UBAC2: variants seen among roughly 807,000 people sequenced by gnomAD.
UBAC2 encodes the protein ubiquitin-associated domain-containing protein 2.
In UBAC2, 26 loss-of-function variants were observed where a neutral mutation model predicts 44.0. That is an observed-to-expected ratio of 0.59 (90% confidence interval 0.43 to 0.82). The LOEUF (loss-of-function observed/expected upper bound fraction) is 0.82. UBAC2 is among the 40% of genes least tolerant of loss of function. The probability of loss-of-function intolerance (pLI) is 0.00; values close to 1 mark genes in which losing one functional copy is unlikely to be tolerated. For missense variants in UBAC2, 329 were observed against 419.4 expected (o/e 0.78, Z 1.88); for synonymous variants, 155 against 154.3 (o/e 1.00, Z -0.04).
At chr13:99,204,911 T>C (rs1203331746) in intron 1 of UBAC2, among the ~76,000 whole-genome samples, 1 of 145,264 alleles carries the variant, frequency 6.9e-6, no homozygotes, top group Non-Finnish European at 1.5e-5. Flanking sequence ...CTTTTTTTTT[T>C]TTTTTTTTTT....
intron 6 of UBAC2, among the ~76,000 whole-genome samples, chr13:99,330,749 G>T (rs1038501300): frequency 1.3e-5 from 2 of 152,062 alleles, no homozygotes; most frequent in Non-Finnish European, 2.9e-5. Context: ...GATGGAAAAC[G>T]TTGAGTTTTT....
At chr13:99,334,777 C>A (rs2044763115) in intron 6 of UBAC2, among the ~76,000 whole-genome samples, 2 of 152,014 alleles carry the variant, frequency 1.3e-5, no homozygotes, top group Non-Finnish European at 2.9e-5. Context: ...TCCAGCTATT[C>A]AAGCAAATAC....
chr13:99,359,775 C>T (rs1207004309), intron 7 of UBAC2, among the ~76,000 whole-genome samples: 1 of 152,234 alleles, frequency 6.6e-6, no homozygotes. Flanking sequence ...TGGGCCCTGC[C>T]TCGCCTCCCG....
intron 8 of UBAC2, among the ~76,000 whole-genome samples, chr13:99,384,034 A>G (rs1221812832): frequency 6.6e-6 from 1 of 152,208 alleles, no homozygotes; most frequent in Non-Finnish European, 1.5e-5. Flanking sequence ...CTGGAGCCAC[A>G]TGCCCAGGCC....
At chr13:99,286,978 G>T (rs964451315) in intron 4 of UBAC2, among the ~76,000 whole-genome samples, 24 of 151,944 alleles carry the variant, frequency 1.6e-4, no homozygotes, top group Admixed American at 5.9e-4. Flanking sequence ...AAGAGTAAGG[G>T]CATGTGTTAG....
intron 1 of UBAC2, among the ~76,000 whole-genome samples, chr13:99,205,273 G>C (rs1389265369): frequency 6.6e-6 from 1 of 152,176 alleles, no homozygotes; most frequent in African/African-American, 2.4e-5. Flanking sequence ...AGTGGGAAGG[G>C]TGTGGTTGAA....
intron 1 of UBAC2, among the ~76,000 whole-genome samples, chr13:99,227,938 G>T (rs1442444123): frequency 6.6e-6 from 1 of 152,220 alleles, no homozygotes. Flanking sequence ...AAGTTGTAGA[G>T]CAGATATACT....
At position 99,260,286 on chromosome 13, in the gene UBAC2, A is replaced by G. The variant is rs1046839127; in HGVS notation, c.389+15662A>G. Among the ~76,000 whole-genome samples, 7 of 152,144 alleles carry G rather than the reference A, an allele frequency of 4.6e-5. 1 individual carries two copies. Among genetic ancestry groups the G allele is most frequent in the East Asian group, 1.9e-4 (1 of 5,176 alleles). ...ATGTTTGCATTGTTACTGCATATTT[A>G]CTTGCTTTTTCTCCTCCACTAAATT... On this transcript the variant is annotated intron_variant, in intron 4 of 8. Transcript: ENST00000403766.
At chr13:99,286,276 A>G (rs777342346) in intron 4 of UBAC2, among the ~76,000 whole-genome samples, 4 of 152,248 alleles carry the variant, frequency 2.6e-5, no homozygotes, top group African/African-American at 9.6e-5. Context: ...ATACAAAGCA[A>G]CATACCTGGA....
At chr13:99,341,566 T>A (rs1187379616) in intron 7 of UBAC2, among the ~76,000 whole-genome samples, 1 of 152,204 alleles carries the variant, frequency 6.6e-6, no homozygotes, top group Non-Finnish European at 1.5e-5. Context: ...AGCTGGAGGA[T>A]GGACATCTCT....
At chr13:99,296,373 T>C (rs1178661043) in intron 4 of UBAC2, among the ~76,000 whole-genome samples, 2 of 152,140 alleles carry the variant, frequency 1.3e-5, no homozygotes, top group Non-Finnish European at 2.9e-5. Flanking sequence ...CAGAATAAAA[T>C]TTGTGTTTTT....
intron 8 of UBAC2, among the ~76,000 whole-genome samples, chr13:99,376,612 T>TG (rs1436010622): frequency 1.3e-5 from 2 of 152,206 alleles, no homozygotes; most frequent in Non-Finnish European, 2.9e-5. Flanking sequence ...ATGTTACATT[T>TG]GGGGAATGTT....
rs999331148 is a variant in UBAC2 at position 99,260,019 on chromosome 13, C to G, written c.389+15395C>G. Among the ~76,000 whole-genome samples, 7 of 152,330 alleles carry G rather than the reference C, an allele frequency of 4.6e-5. No homozygotes were observed. The East Asian group carries it at 1.3e-3, about 29-fold the overall frequency. Reference sequence around the variant, plus strand: ...CCTCATCTTGCTCTCCATTCCAGCCCTCTGGACTGGCTACATTTGCTCTTC... The same window carrying G: ...CCTCATCTTGCTCTCCATTCCAGCCGTCTGGACTGGCTACATTTGCTCTTC... On this transcript the variant is annotated intron_variant, in intron 4 of 8. Transcript: ENST00000403766.
intron 4 of UBAC2, chr13:99,255,818 C>T (rs1404512444): frequency 1.2e-6 from 2 of 1,608,338 alleles, no homozygotes; most frequent in South Asian, 2.2e-5. Context: ...TTGTATTCAT[C>T]TGGATGTGAG....
chr13:99,264,271 T>G (rs556512182), intron 4 of UBAC2, among the ~76,000 whole-genome samples: 1 of 152,302 alleles, frequency 6.6e-6, no homozygotes, highest in African/African-American at 2.4e-5. Context: ...CCCCTGAGGC[T>G]CCTGTTAGCA....
intron 4 of UBAC2, among the ~76,000 whole-genome samples, chr13:99,272,189 G>C (rs1199269009): frequency 6.6e-6 from 1 of 152,132 alleles, no homozygotes; most frequent in African/African-American, 2.4e-5. Context: ...AACTCCAGGG[G>C]CTTGTATCTA....
chr13:99,237,279 C>T (rs1346758556), intron 1 of UBAC2, among the ~76,000 whole-genome samples: 16 of 151,070 alleles, frequency 1.1e-4, no homozygotes, highest in South Asian at 2.1e-4. Context: ...TATACACACA[C>T]ACACACACAC....
chr13:99,281,344 A>C (rs2043952022), intron 4 of UBAC2, among the ~76,000 whole-genome samples: 1 of 152,190 alleles, frequency 6.6e-6, no homozygotes. Context: ...AGAGAGAAGC[A>C]TATAATCCAT....
At chr13:99,327,952 A>G (rs1159177083) in intron 6 of UBAC2, among the ~76,000 whole-genome samples, 2 of 152,200 alleles carry the variant, frequency 1.3e-5, no homozygotes, top group Admixed American at 6.5e-5. Context: ...ACCATAATCA[A>G]TATGGAAAGC....
Sources: gnomAD v4.1 joint callset for allele counts (sites outside exome capture counted in the v4.1 genomes callset) on GRCh38, gnomAD v4.1.1 for gene constraint, MANE v1.5 for transcripts, NCBI Gene and HGNC (gene_info 2026-07-23, HGNC 2026-07-21) for gene names.